Variants in SLC35B3 observed in about 807,000 individuals in gnomAD.
SLC35B3 encodes solute carrier family 35 member B3.
SLC35B3 carries 35 observed loss-of-function variants against 44.1 expected under a neutral mutation model. The ratio of observed to expected loss-of-function variants is 0.79; its 90% CI spans 0.61 to 1.05. The LOEUF is 1.05. SLC35B3 is among the 50% of genes least tolerant of loss of function. The pLI is 0.00. For missense variants in SLC35B3, 414 were observed against 476.4 expected, an observed-to-expected ratio of 0.87 and a Z score of 1.22; for synonymous variants, 146 against 167.3, an observed-to-expected ratio of 0.87 and a Z score of 0.98.
intron 4 of SLC35B3, among the ~76,000 whole-genome samples, chr6:8,427,584 TATTTC>T (rs1339290129): frequency 3.9e-5 from 6 of 152,248 alleles, no homozygotes; most frequent in Non-Finnish European, 7.3e-5. Context: ...CCTGTACTGA[TATTTC>T]ATTTCACCAC....
chr6:8,427,502 C>T (rs1763529712), intron 4 of SLC35B3, among the ~76,000 whole-genome samples: 1 of 152,208 alleles, frequency 6.6e-6, no homozygotes, highest in Admixed American at 6.5e-5. Flanking sequence ...CCACTTGTGT[C>T]ACATTGGCAC....
chr6:8,423,406 G>A (rs1763118908), intron 4 of SLC35B3, among the ~76,000 whole-genome samples: 1 of 119,782 alleles, frequency 8.3e-6, no homozygotes, highest in Non-Finnish European at 1.7e-5. Context: ...TTTAAGATGA[G>A]GTATCTGACT....
intron 3 of SLC35B3, 25 bp from the exon 3 acceptor site, chr6:8,428,083 T>C: frequency 1.3e-6 from 2 of 1,527,758 alleles, no homozygotes; most frequent in Middle Eastern, 1.8e-4. Flanking sequence ...ATGAACACTG[T>C]TAAGTCCAAG....
chr6:8,428,072 C>A lies in SLC35B3; in HGVS notation c.298-14G>T. On this transcript the variant is annotated splice_polypyrimidine_tract_variant and intron_variant, in intron 3 of 10. Transcript: ENST00000644923. Reference sequence around the variant, plus strand: ...AAATATTAATTCCTGTCAAAAGACACATGAACACTGTTAAGTCCAAGGCAG... The same window carrying A: ...AAATATTAATTCCTGTCAAAAGACAAATGAACACTGTTAAGTCCAAGGCAG... The A allele has an allele frequency of 6.4e-7, 1 of 1,570,398 alleles. No individual in the cohort carries two copies. Among genetic ancestry groups the A allele is most frequent in the Non-Finnish European group, 8.6e-7 (1 of 1,157,948 alleles).
chr6:8,422,106 G>C (rs1762947417), intron 5 of SLC35B3, among the ~76,000 whole-genome samples: 1 of 152,098 alleles, frequency 6.6e-6, no homozygotes, highest in African/African-American at 2.4e-5. Flanking sequence ...CTGGGTTCAA[G>C]CAATTCGTCT....
In SLC35B3 at chr6:8,435,403, G is replaced by T; in HGVS notation, c.-104C>A. On this transcript the variant is annotated 5_prime_UTR_variant, in exon 1 of 11. Coordinates refer to ENST00000644923, the MANE Select transcript of SLC35B3 (RefSeq NM_001370476.2). The surrounding 1 kb of genome is among the most constrained non-coding windows in gnomAD (Gnocchi z 5.5). Reference sequence around the variant, plus strand: ...AGCCTGCGTGGCGTCTGAGCTAGACGGAGCATCTCCCCCTCCCCTGGTCCG... The same window carrying T: ...AGCCTGCGTGGCGTCTGAGCTAGACTGAGCATCTCCCCCTCCCCTGGTCCG... The T allele has an allele frequency of 7.8e-7, 1 of 1,287,966 alleles. No individual in the cohort carries two copies. Among genetic ancestry groups the T allele is most frequent in the African/African-American group, 1.5e-5 (1 of 65,948 alleles). 79.8% of individuals were successfully genotyped at this position (1,287,966 alleles called of 1,614,324 possible).
chr6:8,435,556 G>A, upstream of SLC35B3: 1 of 407,524 alleles, frequency 2.5e-6, no homozygotes, highest in Non-Finnish European at 4.4e-6. The surrounding 1 kb of genome is among the most constrained non-coding windows in gnomAD (Gnocchi z 5.5). Flanking sequence ...GTCCCTGCGC[G>A]CGTGCGCAGA....
intron 5 of SLC35B3, 132 bp downstream of exon 4, chr6:8,422,338 A>G (rs1314913873): frequency 5.3e-6 from 4 of 753,414 alleles, no homozygotes; most frequent in Non-Finnish European, 6.4e-6. Flanking sequence ...TTGGTAAGAC[A>G]TAATTCAGAA....
intron 9 of SLC35B3, 124 bp from the exon 9 acceptor site, chr6:8,415,101 A>G: frequency 3.6e-6 from 2 of 548,602 alleles, no homozygotes; most frequent in Non-Finnish European, 6.4e-6. Flanking sequence ...CAAGGTGACA[A>G]TGGAAAGTAG....
chr6:8,413,373 A>G lies in SLC35B3; in HGVS notation c.*176T>C. 5 of 525,284 alleles carry G rather than the reference A, an allele frequency of 9.5e-6. No individual in the cohort carries two copies. Among genetic ancestry groups the G allele is most frequent in the Middle Eastern group, 5.0e-4 (1 of 1,982 alleles). 32.5% of individuals were successfully genotyped at this position (525,284 alleles called of 1,614,324 possible). Reference sequence around the variant, plus strand: ...GGCTCTCTTGATTGCTTTGGAAGTCAGTCAAACAAATGCTCTGAAGAAAAG... The same window carrying G: ...GGCTCTCTTGATTGCTTTGGAAGTCGGTCAAACAAATGCTCTGAAGAAAAG... On this transcript the variant is annotated 3_prime_UTR_variant, in exon 11 of 11. Transcript: ENST00000644923.
chr6:8,427,874 T>G, intron 4 of SLC35B3, 63 bp downstream of exon 3: 1 of 1,483,496 alleles, frequency 6.7e-7, no homozygotes, highest in Non-Finnish European at 9.2e-7. Flanking sequence ...TTCATGCATA[T>G]TCAGTATGCC....
intron 4 of SLC35B3, among the ~76,000 whole-genome samples, chr6:8,426,743 T>C (rs528199173): frequency 4.6e-5 from 7 of 152,034 alleles, no homozygotes; most frequent in Non-Finnish European, 8.8e-5. Context: ...GACCCAAAAA[T>C]GTGGAAGCAA....
At chr6:8,431,976 GTCT>G (rs1197229700) in intron 2 of SLC35B3, among the ~76,000 whole-genome samples, 1 of 152,072 alleles carries the variant, frequency 6.6e-6, no homozygotes, top group Non-Finnish European at 1.5e-5. Flanking sequence ...TCAGCCTGAG[GTCT>G]TCTTTCTCAA....
rs3032674 is a variant in SLC35B3 at position 8,433,901 on chromosome 6, TA to T, written c.3+483del. On this transcript the variant is annotated intron_variant, in intron 2 of 10. Coordinates refer to ENST00000644923, the MANE Select transcript of SLC35B3 (RefSeq NM_001370476.2). This position sits in a 1 kb window ranked among gnomAD's most constrained non-coding sequence, Gnocchi z 4.1. ...TTAATGACTGATACTAACCATCATCTAAAAAAAAAAATGGGCCAAACTCCTT... is the reference window on the plus strand; with the variant it reads ...TTAATGACTGATACTAACCATCATCTAAAAAAAAAATGGGCCAAACTCCTT... Among the ~76,000 whole-genome samples the T allele has an allele frequency of 2.4e-3, 355 of 147,420 alleles. No homozygotes were observed. The highest frequency in any genetic ancestry group is 8.0e-3 in the African/African-American group (320 of 40,192).
Position 8,434,307 on chromosome 6 carries a change from T to G in SLC35B3, c.3+78A>C. 1 of 1,374,164 alleles carries G rather than the reference T, an allele frequency of 7.3e-7. No individual in the cohort carries two copies. The allele number at this position is 1,374,164 out of a possible 1,614,324, so 85.1% of individuals were successfully genotyped here. A position where few individuals can be genotyped will look rare whatever the true frequency, so the allele number is the denominator to read the frequency against. On this transcript the variant is annotated intron_variant, in intron 2 of 10. Coordinates refer to ENST00000644923, the MANE Select transcript of SLC35B3 (RefSeq NM_001370476.2). The surrounding 1 kb of genome is among the most constrained non-coding windows in gnomAD (Gnocchi z 6.3). The stretch of plus-strand genomic sequence containing the variant: ...AGGTAGAATATGAAAAAAAAGTCAT[T>G]ACGGTGTCATTAACCTGAAAAAACG...
chr6:8,419,304 A>G lies in SLC35B3; in HGVS notation c.780+276T>C, dbSNP rs1762681958. Among the ~76,000 whole-genome samples the G allele has an allele frequency of 6.6e-6, 1 of 151,988 alleles. No homozygotes were observed. The highest frequency in any genetic ancestry group is 2.4e-5 in the African/African-American group (1 of 41,430). The stretch of plus-strand genomic sequence containing the variant: ...ACTTCTACATGGAAAAATACTACCC[A>G]CTAGAAAGAGATGAGAGAAAGGATA... On this transcript the variant is annotated intron_variant, in intron 7 of 10. Transcript: ENST00000644923. This position sits in a 1 kb window ranked among gnomAD's most constrained non-coding sequence, Gnocchi z 4.3.
In SLC35B3 at chr6:8,419,567, C is replaced by T. The variant is rs760507827; in HGVS notation, c.780+13G>A. ...ATCTGTCTAATTTGAAGAAAAAACA[C>T]TAGAGTATTTACCATTTCAGAATTA... On this transcript the variant is annotated intron_variant, in intron 7 of 10. Coordinates refer to ENST00000644923, the MANE Select transcript of SLC35B3 (RefSeq NM_001370476.2). The surrounding 1 kb of genome is among the most constrained non-coding windows in gnomAD (Gnocchi z 4.3). 6 of 1,340,568 alleles carry T rather than the reference C, an allele frequency of 4.5e-6. No homozygotes were observed. In the Admixed American group the frequency reaches 8.7e-5, roughly 19 times the overall value. The allele number at this position is 1,340,568 out of a possible 1,614,324, so 83.0% of individuals were successfully genotyped here. A position where few individuals can be genotyped will look rare whatever the true frequency, so the allele number is the denominator to read the frequency against.
intron 2 of SLC35B3, among the ~76,000 whole-genome samples, 189 bp from the exon 2 acceptor site, chr6:8,430,346 A>C (rs1380947236): frequency 6.6e-6 from 1 of 152,182 alleles, no homozygotes; most frequent in African/African-American, 2.4e-5. Flanking sequence ...ATTTGTCTAC[A>C]GCTGATAAAG....
chr6:8,412,654 C>T lies in SLC35B3; in HGVS notation c.*895G>A, dbSNP rs1005822250. Reference sequence around the variant, plus strand: ...CCCTTTTGGCAGTAGGGACTAGTTTCGTGGAAGACAATTTTTCCATGGACT... The same window carrying T: ...CCCTTTTGGCAGTAGGGACTAGTTTTGTGGAAGACAATTTTTCCATGGACT... On this transcript the variant is annotated 3_prime_UTR_variant, in exon 11 of 11. Coordinates refer to ENST00000644923, the MANE Select transcript of SLC35B3 (RefSeq NM_001370476.2). Among the ~76,000 whole-genome samples the T allele has an allele frequency of 1.3e-5, 2 of 152,108 alleles. No individual in the cohort carries two copies. The highest frequency in any genetic ancestry group is 4.1e-4 in the South Asian group (2 of 4,820).
Sources: allele counts gnomAD v4.1 joint callset (sites outside exome capture counted in the v4.1 genomes callset), GRCh38; gene constraint gnomAD v4.1.1; non-coding constraint Gnocchi (gnomAD v3.1); transcripts MANE v1.5; gene names NCBI Gene and HGNC (gene_info 2026-07-23, HGNC 2026-07-21).